Variants in ZNF385D observed in about 807,000 individuals in gnomAD.
ZNF385D encodes the protein zinc finger protein 385D, also known as zinc finger protein 659.
Under a neutral mutation model 35.8 loss-of-function variants are expected in ZNF385D, and 15 were observed. That is an observed-to-expected ratio of 0.42 (90% confidence interval 0.28 to 0.64). ZNF385D has a LOEUF of 0.64. ZNF385D is among the 30% of genes least tolerant of loss of function. The pLI is 0.23. For missense variants in ZNF385D, 474 were observed against 494.6 expected, an observed-to-expected ratio of 0.96 and a Z score of 0.39; for synonymous variants, 212 against 186.8, an observed-to-expected ratio of 1.13 and a Z score of -1.10.
rs561699308 is a variant in ZNF385D, at chr3:21,512,272, G to C, written c.277-1249C>G. Among the ~76,000 whole-genome samples, 227 of 152,124 alleles carry C rather than the reference G, an allele frequency of 1.5e-3. 1 individual carries two copies. Among genetic ancestry groups the C allele is most frequent in the African/African-American group, 5.1e-3 (213 of 41,510 alleles). The stretch of plus-strand genomic sequence containing the variant: ...TGGTGGGTAGGGTAAGGGTGACCAG[G>C]AAGATTCTTAACTTAGGTTTTCCAG... On this transcript the variant is annotated intron_variant, in intron 3 of 7. Transcript: ENST00000281523.
chr3:22,237,895 A>G (rs528059609), intron 2 of ZNF385D, among the ~76,000 whole-genome samples: 3 of 150,114 alleles, frequency 2.0e-5, no homozygotes, highest in African/African-American at 4.9e-5. Flanking sequence ...GCCCGCCACA[A>G]CCTCCCAAAG....
chr3:21,805,240 T>G (rs913973166), intron 3 of ZNF385D, among the ~76,000 whole-genome samples: 10 of 152,198 alleles, frequency 6.6e-5, no homozygotes, highest in African/African-American at 2.4e-4. Flanking sequence ...TAAATTAGAT[T>G]AATTCAAATT....
chr3:22,333,511 T>C (rs994697795), intron 2 of ZNF385D, among the ~76,000 whole-genome samples: 5 of 152,180 alleles, frequency 3.3e-5, no homozygotes, highest in African/African-American at 1.2e-4. Flanking sequence ...TTCCTATTAA[T>C]TGGTCTTCAA....
intron 2 of ZNF385D, among the ~76,000 whole-genome samples, chr3:21,578,589 T>G (rs2063561360): frequency 6.6e-6 from 1 of 152,312 alleles, no homozygotes; most frequent in East Asian, 1.9e-4. Context: ...TCTAAGAGAC[T>G]GTCCTGCCCC....
chr3:22,256,691 C>T (rs980042695), intron 2 of ZNF385D, among the ~76,000 whole-genome samples: 8 of 151,842 alleles, frequency 5.3e-5, no homozygotes, highest in African/African-American at 1.9e-4. Context: ...CCTTTTAAGA[C>T]AATGTCTATA....
intron 2 of ZNF385D, among the ~76,000 whole-genome samples, chr3:22,328,065 CT>C (rs1477656374): frequency 1.3e-5 from 2 of 151,960 alleles, no homozygotes; most frequent in African/African-American, 2.4e-5. Context: ...TTACATATGT[CT>C]TTTATTTAGG....
At chr3:22,352,502 T>C (rs1395866696) in intron 2 of ZNF385D, among the ~76,000 whole-genome samples, 2 of 152,330 alleles carry the variant, frequency 1.3e-5, no homozygotes, top group African/African-American at 4.8e-5. Context: ...GTCTTAAGAT[T>C]CTTGGATTTC....
At chr3:22,128,094 T>C (rs149879793) in intron 3 of ZNF385D, among the ~76,000 whole-genome samples, 1 of 152,212 alleles carries the variant, frequency 6.6e-6, no homozygotes, top group Non-Finnish European at 1.5e-5. Flanking sequence ...TCTCAGCTTT[T>C]GTTTGTCTGG....
At chr3:21,567,488 G>A (rs1329398633) in intron 2 of ZNF385D, among the ~76,000 whole-genome samples, 1 of 152,104 alleles carries the variant, frequency 6.6e-6, no homozygotes, top group Admixed American at 6.6e-5. Context: ...CCCTCATTCT[G>A]TTCTCTAGGA....
intron 3 of ZNF385D, among the ~76,000 whole-genome samples, chr3:21,990,990 A>G (rs975643085): frequency 1.1e-4 from 17 of 152,214 alleles, no homozygotes; most frequent in African/African-American, 4.1e-4. Context: ...AAGAATTAGA[A>G]TGGTATATCA....
intron 3 of ZNF385D, among the ~76,000 whole-genome samples, chr3:22,082,652 C>T (rs965821592): frequency 2.0e-5 from 3 of 152,178 alleles, no homozygotes; most frequent in Admixed American, 6.5e-5. Context: ...GCAGCAGAAA[C>T]GTCTGCAGAC....
chr3:21,712,569 C>T (rs1251869336), intron 1 of ZNF385D, among the ~76,000 whole-genome samples: 4 of 152,118 alleles, frequency 2.6e-5, no homozygotes, highest in Non-Finnish European at 4.4e-5. Context: ...AAAAGTCTGT[C>T]ACTTGTAACA....
chr3:21,749,596 G>GAGGTGGT (rs2125551345), intron 1 of ZNF385D, among the ~76,000 whole-genome samples: 1 of 152,276 alleles, frequency 6.6e-6, no homozygotes, highest in East Asian at 1.9e-4. Context: ...CTACCCACTG[G>GAGGTGGT]AAAGAGATGG....
chr3:22,188,396 T>C (rs1015870389), intron 2 of ZNF385D, among the ~76,000 whole-genome samples: 9 of 152,150 alleles, frequency 5.9e-5, no homozygotes, highest in Non-Finnish European at 1.0e-4. Context: ...CTGATTCTGC[T>C]GTGTGTTTTA....
intron 4 of ZNF385D, among the ~76,000 whole-genome samples, chr3:21,437,701 C>CAAAAAAAAAAA (rs751739275): frequency 0.42 from 32,372 of 76,274 alleles, 9,994 homozygotes; most frequent in Non-Finnish European, 0.52. Context: ...AATGCTTATA[C>CAAAAAAAAAAA]AAAAAAAAAA....
intron 3 of ZNF385D, among the ~76,000 whole-genome samples, chr3:22,108,715 T>TA (rs1702354772): frequency 1.3e-5 from 2 of 152,000 alleles, no homozygotes; most frequent in Admixed American, 6.6e-5. Flanking sequence ...AAGATGAATA[T>TA]AAAAAACATG....
intron 3 of ZNF385D, among the ~76,000 whole-genome samples, chr3:21,929,359 G>T (rs1310431880): frequency 1.3e-5 from 2 of 151,978 alleles, no homozygotes; most frequent in Admixed American, 1.3e-4. Flanking sequence ...TGCCAATATT[G>T]CACATAATAA....
intron 1 of ZNF385D, among the ~76,000 whole-genome samples, chr3:21,704,161 C>T (rs939556769): frequency 2.6e-5 from 4 of 152,178 alleles, no homozygotes; most frequent in Admixed American, 2.6e-4. Flanking sequence ...CATGTAAGCT[C>T]CCTGAAACTG....
intron 2 of ZNF385D, among the ~76,000 whole-genome samples, chr3:22,312,334 G>A (rs1033308321): frequency 6.6e-6 from 1 of 152,006 alleles, no homozygotes; most frequent in African/African-American, 2.4e-5. Flanking sequence ...AGAGCATGAA[G>A]ATACAAAATT....
Sources: allele counts gnomAD v4.1 joint callset (sites outside exome capture counted in the v4.1 genomes callset), GRCh38; gene constraint gnomAD v4.1.1; transcripts MANE v1.5; gene names NCBI Gene and HGNC (gene_info 2026-07-23, HGNC 2026-07-21).